Variants in STPG2 observed in about 807,000 individuals in gnomAD.
The protein encoded by STPG2 is sperm-tail PG-rich repeat-containing protein 2.
A neutral mutation model predicts 54.2 loss-of-function variants in STPG2; 56 were observed. That is an observed-to-expected ratio of 1.03 (90% CI 0.83 to 1.29). The LOEUF (loss-of-function observed/expected upper bound fraction) is 1.29, where lower values mean the gene tolerates loss of function less well. Ranked by LOEUF, STPG2 falls within the 50% of genes most tolerant of loss-of-function variation. The pLI is 0.00. For missense variants in STPG2, 596 were observed against 544.9 expected, an observed-to-expected ratio of 1.09 and a Z score of -0.93; for synonymous variants, 200 against 181.8, an observed-to-expected ratio of 1.10 and a Z score of -0.81.
At chr4:97,806,837 A>G (rs1353429867) in intron 9 of STPG2, among the ~76,000 whole-genome samples, 2 of 152,122 alleles carry the variant, frequency 1.3e-5, no homozygotes, top group Non-Finnish European at 2.9e-5. Context: ...ATCTTTAATC[A>G]TAAGAAACCT....
At chr4:98,096,405 GA>G (rs59366253) in intron 5 of STPG2, among the ~76,000 whole-genome samples, 128,332 of 150,560 alleles carry the variant, frequency 0.85, 54,699 homozygotes, top group Middle Eastern at 0.96. Flanking sequence ...CTCAAAAAAA[GA>G]AAAAAAAAAA....
chr4:97,558,120 C>G (rs1732123937), downstream of STPG2, among the ~76,000 whole-genome samples: 1 of 152,134 alleles, frequency 6.6e-6, no homozygotes, highest in African/African-American at 2.4e-5. Context: ...CTCATACATA[C>G]CCTTATGATA....
chr4:98,125,223 G>A (rs1354346070), intron 3 of STPG2, among the ~76,000 whole-genome samples: 1 of 152,150 alleles, frequency 6.6e-6, no homozygotes, highest in East Asian at 1.9e-4. Flanking sequence ...TTGCTGAAGA[G>A]GTATTGCAAT....
In STPG2 at chr4:97,981,219, T is replaced by C; in HGVS notation, c.712A>G (p.Ile238Val). The C allele has an allele frequency of 6.2e-7, 1 of 1,614,070 alleles. No individual in the cohort carries two copies. The highest frequency in any genetic ancestry group is 8.5e-7 in the Non-Finnish European group (1 of 1,179,962). The change falls in exon 6 of 11, where the codon ATT becomes GTT. Residue 238 changes from isoleucine to valine, a missense_variant. Transcript: ENST00000295268. Reference sequence around the variant, plus strand: ...CGAACAGCACTTTGACCAAATGGAATATTTTTCAGTCCTGATGTTTTCTTC... The same window carrying C: ...CGAACAGCACTTTGACCAAATGGAACATTTTTCAGTCCTGATGTTTTCTTC... Reference protein sequence around the residue: ...SLKKTSGLKNIPFGQSAVRFT... With the variant: ...SLKKTSGLKNVPFGQSAVRFT...
At chr4:97,891,573 G>A (rs1002564115) in intron 8 of STPG2, among the ~76,000 whole-genome samples, 2 of 151,902 alleles carry the variant, frequency 1.3e-5, no homozygotes. Context: ...TAAACGTATT[G>A]CTTTTTGGGG....
At chr4:98,095,343 A>C (rs1056354243) in intron 5 of STPG2, among the ~76,000 whole-genome samples, 1 of 152,210 alleles carries the variant, frequency 6.6e-6, no homozygotes, top group Non-Finnish European at 1.5e-5. Flanking sequence ...ATTGAATGTA[A>C]ATGGACTAAA....
chr4:97,502,595 G>T (rs1025452954), intron 4 of STPG2, among the ~76,000 whole-genome samples: 1 of 151,266 alleles, frequency 6.6e-6, no homozygotes, highest in African/African-American at 2.4e-5. Flanking sequence ...CAAATATCAA[G>T]AATTCAAAAA....
intron 1 of STPG2, among the ~76,000 whole-genome samples, chr4:98,138,477 C>T (rs1190904583): frequency 6.6e-6 from 1 of 151,934 alleles, no homozygotes; most frequent in Non-Finnish European, 1.5e-5. Flanking sequence ...TCAGTCTACG[C>T]TGAGAAAGAA....
intron 5 of STPG2, among the ~76,000 whole-genome samples, chr4:97,985,603 T>A (rs951657073): frequency 2.0e-5 from 3 of 152,170 alleles, no homozygotes; most frequent in East Asian, 3.8e-4. Flanking sequence ...TCTTTTTCTA[T>A]CTTAATCACT....
At chr4:98,079,391 G>A (rs890774877) in intron 5 of STPG2, among the ~76,000 whole-genome samples, 13 of 152,110 alleles carry the variant, frequency 8.5e-5, no homozygotes, top group Non-Finnish European at 1.6e-4. Flanking sequence ...AGACAGATGT[G>A]GGTCACCCAG....
intron 10 of STPG2, among the ~76,000 whole-genome samples, chr4:97,578,081 T>C (rs924325257): frequency 4.7e-5 from 7 of 149,206 alleles, no homozygotes; most frequent in Non-Finnish European, 1.0e-4. Flanking sequence ...CAAAGGAAAA[T>C]AATTTATCCT....
At chr4:97,557,363 G>A (rs537541521), downstream of STPG2, among the ~76,000 whole-genome samples, 1 of 152,186 alleles carries the variant, frequency 6.6e-6, no homozygotes, top group South Asian at 2.1e-4. Flanking sequence ...CCTTGATATT[G>A]CCATAATGAT....
chr4:98,005,054 TA>T (rs993094721), intron 5 of STPG2, among the ~76,000 whole-genome samples: 16 of 150,838 alleles, frequency 1.1e-4, no homozygotes, highest in Non-Finnish European at 1.5e-4. Context: ...GGATAATAGC[TA>T]AAAAAAAATT....
intron 7 of STPG2, among the ~76,000 whole-genome samples, chr4:97,956,601 T>C (rs1265997620): frequency 6.6e-6 from 1 of 152,238 alleles, no homozygotes; most frequent in Middle Eastern, 3.4e-3. Flanking sequence ...ATTGTGCTGG[T>C]ATCCATGGCT....
intron 9 of STPG2, among the ~76,000 whole-genome samples, chr4:97,799,772 G>C (rs1377455558): frequency 7.9e-6 from 1 of 126,854 alleles, no homozygotes; most frequent in African/African-American, 3.0e-5. Context: ...ATATTCTGCA[G>C]AGTGTTTTCC....
intron 8 of STPG2, among the ~76,000 whole-genome samples, chr4:97,861,452 A>G (rs922644823): frequency 2.0e-5 from 3 of 152,094 alleles, no homozygotes; most frequent in Admixed American, 6.6e-5. Flanking sequence ...AAAAAGTACT[A>G]AAAATAGAGC....
At chr4:97,558,158 C>T (rs1483564649), downstream of STPG2, among the ~76,000 whole-genome samples, 11 of 152,158 alleles carry the variant, frequency 7.2e-5, no homozygotes, top group African/African-American at 2.7e-4. Context: ...TATACAGTGA[C>T]ATTGTATGGA....
intron 10 of STPG2, among the ~76,000 whole-genome samples, chr4:97,681,393 A>T (rs998694408): frequency 6.6e-6 from 1 of 151,848 alleles, no homozygotes; most frequent in African/African-American, 2.4e-5. Context: ...ATTCTGTGCT[A>T]TGGTAGGTAT....
chr4:97,832,956 A>G (rs1045024405), intron 9 of STPG2, among the ~76,000 whole-genome samples: 1 of 152,186 alleles, frequency 6.6e-6, no homozygotes, highest in Non-Finnish European at 1.5e-5. Context: ...TATAGATTCC[A>G]TGCTATCCCC....
Sources: allele counts gnomAD v4.1 joint callset (sites outside exome capture counted in the v4.1 genomes callset), GRCh38; gene constraint gnomAD v4.1.1; transcripts MANE v1.5; gene names NCBI Gene and HGNC (gene_info 2026-07-23, HGNC 2026-07-21).